The following COL14A1 variants were observed in gnomAD, a reference collection of about 807,000 sequenced individuals.
COL14A1 encodes the protein collagen type XIV alpha 1 chain.
In COL14A1, 136 loss-of-function variants were observed where a neutral mutation model predicts 230.3. That is an observed-to-expected ratio of 0.59 (90% CI 0.51 to 0.68). The LOEUF (loss-of-function observed/expected upper bound fraction) is 0.68. Among genes scored for constraint, COL14A1 ranks in the 30% least tolerant of loss-of-function variants. The pLI is 0.00. For missense variants in COL14A1, 1,976 were observed against 2,215.8 expected (o/e 0.89, Z 2.17); for synonymous variants, 792 against 784.1 (o/e 1.01, Z -0.17).
chr8:120,188,254 C>T lies in COL14A1; in HGVS notation c.437-8537C>T, dbSNP rs113342841. Among the ~76,000 whole-genome samples, 1,286 of 151,976 alleles carry T rather than the reference C, an allele frequency of 8.5e-3. 22 individuals are homozygous for T. Among genetic ancestry groups the T allele is most frequent in the African/African-American group, 0.03 (1,241 of 41,480 alleles). Reference sequence around the variant, plus strand: ...CCCACTATCATGCCCAGCTAATTTTCGTATTTTTGTAGAGACGGGGTTTCA... The same window carrying T: ...CCCACTATCATGCCCAGCTAATTTTTGTATTTTTGTAGAGACGGGGTTTCA... On this transcript the variant is annotated intron_variant, in intron 5 of 47. Coordinates refer to ENST00000297848, the MANE Select transcript of COL14A1 (RefSeq NM_021110.4).
chr8:120,334,869 C>A (rs2130231496), intron 42 of COL14A1, among the ~76,000 whole-genome samples: 1 of 152,304 alleles, frequency 6.6e-6, no homozygotes, highest in South Asian at 2.1e-4. Flanking sequence ...CATGCCTAAT[C>A]TGTTTCTCAG....
Position 120,230,118 on chromosome 8 carries a change from A to C in COL14A1, c.2197+1349A>C, listed in dbSNP as rs553085034. 4.4e-4 allele frequency among the ~76,000 whole-genome samples: 67 copies of C among 152,184 alleles called. No homozygotes were observed. The South Asian group carries it at 0.013, about 30-fold the overall frequency. ...GCTGGTCTTTAACTCCTGAGCTCAA[A>C]TGTTCCTTCATCCTTGGCCTCCCAA... is the stretch of plus-strand genomic sequence containing the variant. On this transcript the variant is annotated intron_variant, in intron 18 of 47. Transcript: ENST00000297848.
intron 45 of COL14A1, among the ~76,000 whole-genome samples, chr8:120,360,038 A>G (rs1271466857): frequency 6.6e-6 from 1 of 152,210 alleles, no homozygotes; most frequent in Non-Finnish European, 1.5e-5. Context: ...GACTAATAGA[A>G]AGACCTGAAG....
intron 24 of COL14A1, among the ~76,000 whole-genome samples, chr8:120,264,198 G>A (rs188014524): frequency 9.8e-4 from 149 of 152,142 alleles, no homozygotes; most frequent in African/African-American, 3.4e-3. Flanking sequence ...TTTCACATAA[G>A]TGGAAATATA....
Position 120,277,749 on chromosome 8 carries a change from G to A in COL14A1, c.3214-362G>A, listed in dbSNP as rs142117223. 1,085 of 154,794 alleles carry A rather than the reference G, an allele frequency of 7.0e-3. 14 individuals are homozygous for A. The highest frequency in any genetic ancestry group is 0.024 in the African/African-American group (999 of 41,424). The allele number at this position is 154,794 out of a possible 1,614,324, so 9.6% of individuals were successfully genotyped here. ...AAAGACGGGAACAATAGACACTAGG[G>A]GCTACTAGTAGGGGGAGAATAGAAG... is the stretch of plus-strand genomic sequence containing the variant. On this transcript the variant is annotated intron_variant, in intron 26 of 47. Transcript: ENST00000297848.
At chr8:120,347,953 C>G (rs1019622318) in intron 45 of COL14A1, among the ~76,000 whole-genome samples, 10 of 152,126 alleles carry the variant, frequency 6.6e-5, no homozygotes, top group African/African-American at 2.4e-4. Flanking sequence ...GGCATGAACA[C>G]TGAAATGAGG....
At chr8:120,223,512 A>G (rs1352926468) in intron 14 of COL14A1, among the ~76,000 whole-genome samples, 3 of 152,134 alleles carry the variant, frequency 2.0e-5, no homozygotes, top group Non-Finnish European at 2.9e-5. Flanking sequence ...TCTACTAAAA[A>G]TACAAAAATT....
chr8:120,257,768 C>T (rs979128894), intron 23 of COL14A1, among the ~76,000 whole-genome samples: 4 of 152,270 alleles, frequency 2.6e-5, no homozygotes, highest in Non-Finnish European at 4.4e-5. Flanking sequence ...CCAATTTCCC[C>T]ATGTGTTGGA....
At chr8:120,360,885 G>A (rs1450978374) in intron 45 of COL14A1, among the ~76,000 whole-genome samples, 1 of 152,118 alleles carries the variant, frequency 6.6e-6, no homozygotes, top group African/African-American at 2.4e-5. Flanking sequence ...GGCAAGGTCA[G>A]CCCAATGGAA....
intron 5 of COL14A1, among the ~76,000 whole-genome samples, chr8:120,195,879 GA>G (rs888392017): frequency 9.2e-5 from 14 of 152,116 alleles, no homozygotes; most frequent in African/African-American, 3.4e-4. Context: ...CATTGTTAAG[GA>G]TTTGTGAAAC....
upstream of COL14A1, among the ~76,000 whole-genome samples, chr8:120,124,637 A>G (rs1814257234): frequency 6.6e-6 from 1 of 152,166 alleles, no homozygotes; most frequent in South Asian, 2.1e-4. Flanking sequence ...CACAAGAGGA[A>G]GAGGGAGAAG....
chr8:120,208,557 A>C (rs1348276503), intron 11 of COL14A1, among the ~76,000 whole-genome samples, 196 bp downstream of exon 11: 1 of 152,174 alleles, frequency 6.6e-6, no homozygotes, highest in Non-Finnish European at 1.5e-5. Flanking sequence ...ATGTCTTGAA[A>C]AAGTTGTTAT....
intron 34 of COL14A1, among the ~76,000 whole-genome samples, chr8:120,292,239 A>G (rs1258401409): frequency 2.6e-5 from 4 of 152,194 alleles, no homozygotes; most frequent in African/African-American, 9.6e-5. Flanking sequence ...AAAATGCCTC[A>G]GGTTTCAGGC....
At chr8:120,307,565 T>C (rs1446183249) in intron 36 of COL14A1, among the ~76,000 whole-genome samples, 1 of 152,088 alleles carries the variant, frequency 6.6e-6, no homozygotes, top group Non-Finnish European at 1.5e-5. Context: ...TTTCTACTCA[T>C]TAAAGAGAAA....
intron 18 of COL14A1, among the ~76,000 whole-genome samples, chr8:120,229,435 A>G (rs1316907104): frequency 6.6e-6 from 1 of 152,070 alleles, no homozygotes; most frequent in African/African-American, 2.4e-5. Context: ...TACAAAGGAC[A>G]TGAACTCATC....
chr8:120,228,886 C>G, intron 18 of COL14A1, 117 bp downstream of exon 18: 1 of 847,880 alleles, frequency 1.2e-6, no homozygotes, highest in Admixed American at 2.3e-5. Flanking sequence ...CCTTCCTTTT[C>G]TGGCACACTG....
Position 120,337,303 on chromosome 8 carries a change from C to T in COL14A1, c.4786-4022C>T, listed in dbSNP as rs185759949. Among the ~76,000 whole-genome samples the T allele has an allele frequency of 4.0e-3, 599 of 149,348 alleles. 5 individuals carry two copies. Among genetic ancestry groups the T allele is most frequent in the African/African-American group, 0.014 (570 of 40,548 alleles). Reference sequence around the variant, plus strand: ...CCCAGCTACTCAGGAAGCTGAAAGACGAGAATCGCTTAAACCCGGGAGGCA... The same window carrying T: ...CCCAGCTACTCAGGAAGCTGAAAGATGAGAATCGCTTAAACCCGGGAGGCA... On this transcript the variant is annotated intron_variant, in intron 42 of 47. Coordinates refer to ENST00000297848, the MANE Select transcript of COL14A1 (RefSeq NM_021110.4).
In COL14A1 at chr8:120,345,574, C is replaced by A. The variant is rs779964123; in HGVS notation, c.5077+11C>A. The A allele has an allele frequency of 7.9e-6, 12 of 1,518,476 alleles. No homozygotes were observed. The highest frequency in any genetic ancestry group is 2.5e-5 in the Admixed American group (1 of 40,034). 94.1% of individuals were successfully genotyped at this position (1,518,476 alleles called of 1,614,324 possible). ...CCCCAGGAGAACGAGGTAAGCTGGGCCCCTTCTCTCAGAGGAACTCCTCTG... is the reference window on the plus strand; with the variant it reads ...CCCCAGGAGAACGAGGTAAGCTGGGACCCTTCTCTCAGAGGAACTCCTCTG... On this transcript the variant is annotated intron_variant, in intron 45 of 47. Transcript: ENST00000297848.
intron 34 of COL14A1, among the ~76,000 whole-genome samples, chr8:120,293,658 T>G (rs1820438443): frequency 6.6e-6 from 1 of 151,834 alleles, no homozygotes; most frequent in Non-Finnish European, 1.5e-5. Flanking sequence ...TTCCTGTGCT[T>G]CTTCCATTAG....
Sources: gnomAD v4.1 joint callset for allele counts (sites outside exome capture counted in the v4.1 genomes callset) on GRCh38, gnomAD v4.1.1 for gene constraint, MANE v1.5 for transcripts, NCBI Gene and HGNC (gene_info 2026-07-23, HGNC 2026-07-21) for gene names.